The following CLIP2 variants were observed in gnomAD, a reference collection of about 807,000 sequenced individuals.
CLIP2 encodes CAP-Gly domain containing linker protein 2, also known as CAP-Gly domain-containing linker protein 2.
Under a neutral mutation model 111.7 loss-of-function variants are expected in CLIP2, and 41 were observed. That is an observed-to-expected ratio of 0.37 (90% CI 0.29 to 0.48). The LOEUF (loss-of-function observed/expected upper bound fraction) is 0.48, where lower values mean the gene tolerates loss of function less well. Ranked by LOEUF, CLIP2 falls within the 20% of genes least tolerant of loss-of-function variation. The probability of loss-of-function intolerance (pLI) is 0.99; values close to 1 mark genes in which losing one functional copy is unlikely to be tolerated. For missense variants in CLIP2, 1,160 were observed against 1,422.1 expected, an observed-to-expected ratio of 0.82 and a Z score of 2.96; for synonymous variants, 660 against 644.2, an observed-to-expected ratio of 1.02 and a Z score of -0.37.
At chr7:74,308,597 C>A (rs573167854) in intron 1 of CLIP2, among the ~76,000 whole-genome samples, 1 of 151,594 alleles carries the variant, frequency 6.6e-6, no homozygotes, top group Admixed American at 6.6e-5. Flanking sequence ...CTCCGCCTTC[C>A]GGGTTCAAGC....
At chr7:74,363,166 C>T (rs755968288) in intron 7 of CLIP2, among the ~76,000 whole-genome samples, 5 of 152,004 alleles carry the variant, frequency 3.3e-5, no homozygotes, top group African/African-American at 7.2e-5. Context: ...CACCACGCCC[C>T]GCTAATTTTG....
At position 74,376,926 on chromosome 7, in the gene CLIP2, C is replaced by G. The variant is rs370386483; in HGVS notation, c.2421+104C>G. On this transcript the variant is annotated intron_variant, in intron 10 of 16. Coordinates refer to ENST00000223398, the MANE Select transcript of CLIP2 (RefSeq NM_003388.5). This position sits in a 1 kb window ranked among gnomAD's most constrained non-coding sequence, Gnocchi z 7.1. ...GCCCAGGAAGCATTTCCCTTGTCCC[C>G]GAGAGCATGCCTGGGGCAGTCAAGG... 1.4e-4 allele frequency: 164 copies of G among 1,167,314 alleles called. 1 individual carries two copies. In the East Asian group the frequency reaches 2.2e-3, roughly 16 times the overall value. The allele number at this position is 1,167,314 out of a possible 1,614,324, so 72.3% of individuals were successfully genotyped here.
At chr7:74,380,712 G>T (rs1437353958) in intron 10 of CLIP2, 94 bp from the exon 11 acceptor site, 4 of 981,410 alleles carry the variant, frequency 4.1e-6, no homozygotes, top group Admixed American at 2.2e-5. Context: ...TGTAGGAGTA[G>T]GGTGTGCAAA....
intron 14 of CLIP2, among the ~76,000 whole-genome samples, chr7:74,399,554 G>T (rs1388458045): frequency 2.9e-5 from 3 of 104,464 alleles, no homozygotes; most frequent in African/African-American, 7.2e-5. Flanking sequence ...GGGGGGGGGG[G>T]GTGGGGACCA....
At chr7:74,317,289 T>G (rs1322769625) in intron 1 of CLIP2, among the ~76,000 whole-genome samples, 191 bp from the exon 2 acceptor site, 1 of 151,582 alleles carries the variant, frequency 6.6e-6, no homozygotes, top group Non-Finnish European at 1.5e-5. Flanking sequence ...GTAGAGGGGG[T>G]GCGTGCTGGG....
chr7:74,304,478 A>G (rs782286475), intron 1 of CLIP2, among the ~76,000 whole-genome samples: 2 of 151,762 alleles, frequency 1.3e-5, no homozygotes, highest in Non-Finnish European at 2.9e-5. Flanking sequence ...GTGAGCCGAG[A>G]TCACGCCATT....
chr7:74,300,253 C>G lies in CLIP2; in HGVS notation c.-68+10519C>G, dbSNP rs139881553. Among the ~76,000 whole-genome samples the G allele has an allele frequency of 1.8e-3, 273 of 152,182 alleles. 1 individual carries two copies. Among genetic ancestry groups the G allele is most frequent in the African/African-American group, 3.4e-3 (141 of 41,550 alleles). ...TCACCCGCCTTGGCCTCCCAAAGTG[C>G]TGGGATTACAGGCATGAGCCCCCAC... On this transcript the variant is annotated intron_variant, in intron 1 of 16. Transcript: ENST00000223398.
intron 13 of CLIP2, 21 bp downstream of exon 13, chr7:74,389,280 G>T (rs1554315386): frequency 6.4e-7 from 1 of 1,552,466 alleles, no homozygotes; most frequent in Non-Finnish European, 8.7e-7. Flanking sequence ...CGTGGGGCCG[G>T]CTGGGTCCTC....
At chr7:74,292,244 C>T (rs1464488610) in intron 1 of CLIP2, among the ~76,000 whole-genome samples, 2 of 151,932 alleles carry the variant, frequency 1.3e-5, no homozygotes, top group African/African-American at 4.8e-5. Context: ...TTGACACCAC[C>T]TGCTCTACCT....
intron 3 of CLIP2, among the ~76,000 whole-genome samples, chr7:74,346,492 G>A (rs1191774149): frequency 6.6e-6 from 1 of 152,130 alleles, no homozygotes. Flanking sequence ...AGAGGCCAAG[G>A]TGGGTGAATC....
chr7:74,387,283 CTG>C (rs1791138829), intron 12 of CLIP2, among the ~76,000 whole-genome samples: 1 of 152,100 alleles, frequency 6.6e-6, no homozygotes, highest in Non-Finnish European at 1.5e-5. Context: ...GGGTTGCACT[CTG>C]TCACCTAGGC....
chr7:74,347,563 C>T (rs1440170042), intron 3 of CLIP2, among the ~76,000 whole-genome samples: 4 of 152,128 alleles, frequency 2.6e-5, no homozygotes, highest in South Asian at 2.1e-4. Flanking sequence ...CCACCGCGTC[C>T]GGCCAAACGC....
At chr7:74,346,807 G>A (rs1172665521) in intron 3 of CLIP2, among the ~76,000 whole-genome samples, 2 of 151,622 alleles carry the variant, frequency 1.3e-5, no homozygotes, top group East Asian at 3.9e-4. Context: ...GCTGAGGTGG[G>A]AGGATTGCTT....
chr7:74,361,768 G>A (rs1790336999), intron 7 of CLIP2, among the ~76,000 whole-genome samples: 1 of 152,148 alleles, frequency 6.6e-6, no homozygotes, highest in Non-Finnish European at 1.5e-5. Flanking sequence ...AATGCCCTGT[G>A]TCCAGGTGTC....
chr7:74,362,528 C>CTTTTTTTT (rs3044338), intron 7 of CLIP2, among the ~76,000 whole-genome samples: 27 of 121,938 alleles, frequency 2.2e-4, no homozygotes, highest in Admixed American at 3.9e-4. Flanking sequence ...TTTTTCTTTT[C>CTTTTTTTT]TTTTTTTTTT....
intron 14 of CLIP2, among the ~76,000 whole-genome samples, chr7:74,397,766 A>AAG (rs1791500229): frequency 7.0e-6 from 1 of 143,714 alleles, no homozygotes; most frequent in African/African-American, 2.6e-5. Flanking sequence ...TCCCTGGTTC[A>AAG]CACCATTCTC....
chr7:74,345,259 G>A (rs1207486473), intron 3 of CLIP2, among the ~76,000 whole-genome samples: 2 of 151,948 alleles, frequency 1.3e-5, no homozygotes, highest in African/African-American at 4.8e-5. Flanking sequence ...TTTTTAGACA[G>A]AGTCTTGCTC....
intron 2 of CLIP2, among the ~76,000 whole-genome samples, chr7:74,319,974 C>A (rs1455476913): frequency 6.6e-6 from 1 of 151,682 alleles, no homozygotes; most frequent in East Asian, 1.9e-4. Context: ...GTAATCCCAG[C>A]TCTTTGGGAG....
chr7:74,329,550 A>ATTGTTTGT (rs138221844), intron 2 of CLIP2, among the ~76,000 whole-genome samples: 3 of 151,814 alleles, frequency 2.0e-5, no homozygotes, highest in Non-Finnish European at 4.4e-5. Context: ...TGGAGGTTAA[A>ATTGTTTGT]TTGTTTGTTT....
Sources: gnomAD v4.1 joint callset for allele counts (sites outside exome capture counted in the v4.1 genomes callset) on GRCh38, gnomAD v4.1.1 for gene constraint, Gnocchi (gnomAD v3.1) non-coding constraint, MANE v1.5 for transcripts, NCBI Gene and HGNC (gene_info 2026-07-23, HGNC 2026-07-21) for gene names.